ZNF385D: variants seen among roughly 807,000 people sequenced by gnomAD.
ZNF385D encodes zinc finger protein 385D.
ZNF385D carries 15 observed loss-of-function variants against 35.8 expected under a neutral mutation model. That is an observed-to-expected ratio of 0.42 (90% CI 0.28 to 0.64). ZNF385D has a LOEUF of 0.64. ZNF385D is among the 30% of genes least tolerant of loss of function. ZNF385D has a pLI of 0.23. For missense variants in ZNF385D, 474 were observed against 494.6 expected (o/e 0.96, Z 0.39); for synonymous variants, 212 against 186.8 (o/e 1.13, Z -1.10).
At chr3:22,344,564 G>T (rs1417380290) in intron 2 of ZNF385D, among the ~76,000 whole-genome samples, 2 of 149,416 alleles carry the variant, frequency 1.3e-5, no homozygotes, top group Non-Finnish European at 2.9e-5. Flanking sequence ...TCATTTTGGG[G>T]TTTTCTTTGT....
At chr3:21,754,742 G>T (rs1575594187), upstream of ZNF385D, among the ~76,000 whole-genome samples, 1 of 151,498 alleles carries the variant, frequency 6.6e-6, no homozygotes. Context: ...GTTTATTTTT[G>T]ATTTCTCCTC....
chr3:21,790,395 G>A (rs778045704), intron 3 of ZNF385D, among the ~76,000 whole-genome samples: 1 of 152,066 alleles, frequency 6.6e-6, no homozygotes, highest in Admixed American at 6.6e-5. Context: ...TACTTATGTA[G>A]AACTAACACA....
At chr3:21,780,324 A>G (rs555123470) in intron 3 of ZNF385D, among the ~76,000 whole-genome samples, 1 of 151,950 alleles carries the variant, frequency 6.6e-6, no homozygotes, top group Non-Finnish European at 1.5e-5. Context: ...TACTAGATGT[A>G]GGGCATACTA....
chr3:22,104,062 T>C (rs1007724492), intron 3 of ZNF385D, among the ~76,000 whole-genome samples: 3 of 151,920 alleles, frequency 2.0e-5, no homozygotes, highest in Non-Finnish European at 2.9e-5. Context: ...CCTTGGGGAG[T>C]GAGGGACGTA....
intron 3 of ZNF385D, among the ~76,000 whole-genome samples, chr3:21,923,872 C>G (rs1700595863): frequency 6.6e-6 from 1 of 152,130 alleles, no homozygotes. Flanking sequence ...AATAAACTAA[C>G]TCTTGAGTTA....
At chr3:21,580,119 A>G (rs2063610829) in intron 2 of ZNF385D, among the ~76,000 whole-genome samples, 1 of 152,158 alleles carries the variant, frequency 6.6e-6, no homozygotes, top group Non-Finnish European at 1.5e-5. Context: ...GGTTAATGAA[A>G]AATTAATAAT....
At chr3:21,713,407 T>C (rs1349757963) in intron 1 of ZNF385D, among the ~76,000 whole-genome samples, 1 of 152,130 alleles carries the variant, frequency 6.6e-6, no homozygotes, top group Non-Finnish European at 1.5e-5. Flanking sequence ...TCATGTGGTG[T>C]CTGTTTTCTC....
chr3:22,241,602 C>T (rs1348008929), intron 2 of ZNF385D, among the ~76,000 whole-genome samples: 2 of 151,092 alleles, frequency 1.3e-5, no homozygotes, highest in Admixed American at 1.3e-4. Flanking sequence ...CCCTCTGGCC[C>T]TTAACAAATT....
intron 1 of ZNF385D, among the ~76,000 whole-genome samples, chr3:21,712,616 ATATATTGAT>A (rs2068156937): frequency 6.6e-6 from 1 of 152,218 alleles, no homozygotes; most frequent in Non-Finnish European, 1.5e-5. Flanking sequence ...CACTGTCTAT[ATATATTGAT>A]TTCTAATGTG....
At chr3:22,331,654 G>A (rs2125461388) in intron 2 of ZNF385D, among the ~76,000 whole-genome samples, 1 of 152,204 alleles carries the variant, frequency 6.6e-6, no homozygotes, top group African/African-American at 2.4e-5. Flanking sequence ...CTTTGTGCAG[G>A]CTGCTTTCAG....
At chr3:21,821,965 C>CA (rs34222360) in intron 3 of ZNF385D, among the ~76,000 whole-genome samples, 34,263 of 108,320 alleles carry the variant, frequency 0.32, 5,614 homozygotes, top group Middle Eastern at 0.48. Flanking sequence ...GACCTTGTCT[C>CA]AAAAAAAAAA....
At chr3:21,787,954 A>C (rs2071766146) in intron 3 of ZNF385D, among the ~76,000 whole-genome samples, 1 of 11,288 alleles carries the variant, frequency 8.9e-5, no homozygotes, top group African/African-American at 2.8e-4. Flanking sequence ...CAAAAAAAAA[A>C]AAAAAAAAAA....
intron 3 of ZNF385D, among the ~76,000 whole-genome samples, chr3:21,776,135 G>C (rs1406876488): frequency 6.6e-6 from 1 of 151,476 alleles, no homozygotes; most frequent in African/African-American, 2.4e-5. Flanking sequence ...CCTATATTAT[G>C]AGTGTGTCAT....
At chr3:21,560,812 GGCT>G (rs2062916915) in intron 3 of ZNF385D, among the ~76,000 whole-genome samples, 1 of 152,162 alleles carries the variant, frequency 6.6e-6, no homozygotes, top group African/African-American at 2.4e-5. Context: ...CCCTGACTGG[GGCT>G]GCTGCCTTTT....
intron 3 of ZNF385D, among the ~76,000 whole-genome samples, chr3:21,774,414 G>A (rs1162809340): frequency 6.6e-6 from 1 of 151,758 alleles, no homozygotes; most frequent in South Asian, 2.1e-4. Flanking sequence ...TCCTACACAT[G>A]TACCCCCAAA....
chr3:22,283,258 G>A (rs1701859296), intron 2 of ZNF385D, among the ~76,000 whole-genome samples: 1 of 152,092 alleles, frequency 6.6e-6, no homozygotes, highest in Non-Finnish European at 1.5e-5. Flanking sequence ...TCCACTGACA[G>A]CTCTAGACAG....
intron 3 of ZNF385D, among the ~76,000 whole-genome samples, chr3:21,810,088 G>C (rs978882429): frequency 3.3e-5 from 5 of 152,056 alleles, no homozygotes; most frequent in Admixed American, 6.6e-5. Context: ...AAAGTAAATA[G>C]ACAAATACAT....
intron 2 of ZNF385D, among the ~76,000 whole-genome samples, chr3:21,598,191 G>A (rs190699123): frequency 1.3e-5 from 2 of 151,984 alleles, no homozygotes; most frequent in African/African-American, 4.8e-5. Context: ...TTTCAAAGAC[G>A]GTATCTATAA....
chr3:21,715,126 G>A (rs1168726059), intron 1 of ZNF385D, among the ~76,000 whole-genome samples: 1 of 151,766 alleles, frequency 6.6e-6, no homozygotes, highest in East Asian at 2.0e-4. Flanking sequence ...TACATTTATG[G>A]GGTACAAGCG....
Sources: allele counts gnomAD v4.1 joint callset (sites outside exome capture counted in the v4.1 genomes callset), GRCh38; gene constraint gnomAD v4.1.1; transcripts MANE v1.5; gene names NCBI Gene and HGNC (gene_info 2026-07-23, HGNC 2026-07-21).